The following VPS13C variants were observed in gnomAD, a reference collection of about 807,000 sequenced individuals.
VPS13C encodes intermembrane lipid transfer protein VPS13C.
In VPS13C, 358 loss-of-function variants were observed where a neutral mutation model predicts 456.8. That is an observed-to-expected ratio of 0.78 (90% confidence interval 0.72 to 0.86). The LOEUF is 0.86. VPS13C is among the 40% of genes least tolerant of loss of function. The probability of loss-of-function intolerance (pLI) is 0.00; values close to 1 mark genes in which losing one functional copy is unlikely to be tolerated. For synonymous variants in VPS13C, 1,578 were observed against 1,486.7 expected (o/e 1.06, Z -1.41); for missense variants, 4,818 against 4,385.4 (o/e 1.10, Z -2.79).
Position 61,882,603 on chromosome 15 carries a change from C to A in VPS13C, c.9617G>T (p.Trp3206Leu). ...TGAGAATGACAATGTTACCTGAAGC[C>A]AGTACAACCTGGCCCTTAAACTTCT... ...HQRSLRARLYWLQVDNQLPGA... is the reference protein window; with the variant it reads ...HQRSLRARLYLLQVDNQLPGA... The change falls in exon 69 of 85, where the codon TGG (tryptophan) becomes TTG (leucine). Residue 3206 changes from tryptophan (W) to leucine (L), a missense_variant. Physicochemically the swap from Trp to Leu is moderately conservative, Grantham distance 61 (BLOSUM62 -2). This residue lies in a region of VPS13C where 4,552 missense variants were observed against 4,130.6 expected (regional missense o/e 1.10). Coordinates refer to ENST00000644861, the MANE Select transcript of VPS13C (RefSeq NM_020821.3). The A allele has an allele frequency of 6.5e-7, 1 of 1,537,438 alleles. No individual in the cohort carries two copies. Among genetic ancestry groups the A allele is most frequent in the Non-Finnish European group, 8.7e-7 (1 of 1,146,948 alleles).
chr15:62,024,133 A>G (rs571668352), intron 6 of VPS13C, among the ~76,000 whole-genome samples: 2 of 152,216 alleles, frequency 1.3e-5, no homozygotes, highest in East Asian at 3.9e-4. Context: ...GCCATTTATA[A>G]TATTAATGAC....
At chr15:62,053,208 A>C (rs1459234382) in intron 1 of VPS13C, among the ~76,000 whole-genome samples, 1 of 152,180 alleles carries the variant, frequency 6.6e-6, no homozygotes, top group Non-Finnish European at 1.5e-5. Context: ...CCTCCACTAC[A>C]CCAAGTGCTG....
chr15:61,899,982 C>T (rs759312275), intron 66 of VPS13C, among the ~76,000 whole-genome samples: 3 of 152,044 alleles, frequency 2.0e-5, no homozygotes, highest in Non-Finnish European at 4.4e-5. Flanking sequence ...AAATGTAATC[C>T]AGCATATAAA....
intron 66 of VPS13C, among the ~76,000 whole-genome samples, chr15:61,895,069 T>A (rs1233142103): frequency 6.6e-6 from 1 of 152,092 alleles, no homozygotes; most frequent in Non-Finnish European, 1.5e-5. Context: ...ACAACAGGAA[T>A]TTGTAAAGTA....
At chr15:61,969,568 C>A in intron 27 of VPS13C, 116 bp from the exon 28 acceptor site, 1 of 513,214 alleles carries the variant, frequency 1.9e-6, no homozygotes, top group Non-Finnish European at 3.1e-6. Context: ...TTGCTCATAT[C>A]CTTCTGCCAC....
chr15:62,049,725 T>C (rs2140770412), intron 1 of VPS13C, among the ~76,000 whole-genome samples: 1 of 152,318 alleles, frequency 6.6e-6, no homozygotes, highest in East Asian at 1.9e-4. Context: ...TGATTCTTCC[T>C]ACCCATGAGC....
At chr15:62,052,083 T>A (rs922122475) in intron 1 of VPS13C, among the ~76,000 whole-genome samples, 1 of 152,086 alleles carries the variant, frequency 6.6e-6, no homozygotes. Context: ...TTTCTTAATA[T>A]AAAACATAGA....
intron 48 of VPS13C, chr15:61,935,561 TCA>T: frequency 6.6e-6 from 1 of 152,344 alleles, no homozygotes; most frequent in Non-Finnish European, 1.5e-5. Context: ...AGATCATTAA[TCA>T]CATAAGGCTT....
intron 65 of VPS13C, 51 bp from the exon 66 acceptor site, chr15:61,907,441 C>A (rs1218651094): frequency 1.3e-6 from 2 of 1,592,628 alleles, no homozygotes; most frequent in East Asian, 4.5e-5. Flanking sequence ...AGATAAGAAA[C>A]CCAAACCTGT....
chr15:61,996,994 C>CATATATATATATATATATATATATATAT (rs956530930), intron 16 of VPS13C, among the ~76,000 whole-genome samples: 3 of 142,354 alleles, frequency 2.1e-5, no homozygotes, highest in African/African-American at 8.3e-5. Flanking sequence ...ATTTTACATA[C>CATATATATATATATATATATATATATAT]ATACATATAT....
intron 15 of VPS13C, among the ~76,000 whole-genome samples, chr15:62,001,787 C>A (rs890289209): frequency 6.6e-6 from 1 of 152,082 alleles, no homozygotes; most frequent in South Asian, 2.1e-4. Flanking sequence ...TTTGTTCTTG[C>A]GATAGTTTAC....
At chr15:62,001,275 G>T (rs1382060585) in intron 15 of VPS13C, among the ~76,000 whole-genome samples, 1 of 152,154 alleles carries the variant, frequency 6.6e-6, no homozygotes. Flanking sequence ...AGGACACTTG[G>T]TAAATATCCA....
At chr15:61,915,540 T>C (rs2043443898) in intron 61 of VPS13C, 93 bp downstream of exon 61, 3 of 1,310,556 alleles carry the variant, frequency 2.3e-6, no homozygotes, top group African/African-American at 1.5e-5. Flanking sequence ...ATTTAGCAAA[T>C]AGGTTAGCAT....
rs918129077 is a variant in VPS13C at position 61,916,030 on chromosome 15, C to G, written c.8056-8G>C. 6.5e-7 allele frequency: 1 copy of G among 1,541,154 alleles called. No individual in the cohort carries two copies. Among genetic ancestry groups the G allele is most frequent in the East Asian group, 2.3e-5 (1 of 43,898 alleles). Reference sequence around the variant, plus strand: ...ATGAGTTTCTGCTGTTCCCTAAAAACAAACAAAAATTCGCTGAGTAACTTT... The same window carrying G: ...ATGAGTTTCTGCTGTTCCCTAAAAAGAAACAAAAATTCGCTGAGTAACTTT... On this transcript the variant is annotated splice_polypyrimidine_tract_variant and splice_region_variant and intron_variant, in intron 60 of 84. Transcript: ENST00000644861.
intron 22 of VPS13C, 103 bp from the exon 23 acceptor site, chr15:61,978,852 C>A: frequency 8.6e-7 from 1 of 1,156,284 alleles, no homozygotes; most frequent in Non-Finnish European, 1.2e-6. Flanking sequence ...TAGTTAAAAC[C>A]TAACAAATTG....
At chr15:61,912,079 C>T (rs542776595) in intron 62 of VPS13C, 75 bp from the exon 63 acceptor site, 25 of 1,218,068 alleles carry the variant, frequency 2.1e-5, no homozygotes, top group East Asian at 8.2e-5. Context: ...CTCATTCACA[C>T]ACAAACTTCT....
At chr15:62,007,034 A>G (rs1439545533) in intron 15 of VPS13C, among the ~76,000 whole-genome samples, 3 of 152,298 alleles carry the variant, frequency 2.0e-5, no homozygotes, top group African/African-American at 2.4e-5. Context: ...CAGCTCTGAT[A>G]CTGACTTCCT....
intron 77 of VPS13C, among the ~76,000 whole-genome samples, chr15:61,873,957 G>A (rs1895221656): frequency 8.9e-6 from 1 of 112,464 alleles, no homozygotes; most frequent in African/African-American, 3.1e-5. Context: ...AAGAAAATGT[G>A]ATACACACAC....
At chr15:62,056,660 T>C (rs2140812735) in intron 1 of VPS13C, among the ~76,000 whole-genome samples, 1 of 152,230 alleles carries the variant, frequency 6.6e-6, no homozygotes, top group East Asian at 1.9e-4. Flanking sequence ...TGCCCGCAGT[T>C]ATCCGGAGGC....
Sources: allele counts gnomAD v4.1 joint callset (sites outside exome capture counted in the v4.1 genomes callset), GRCh38; gene constraint gnomAD v4.1.1; regional missense constraint gnomAD v4.1.1; transcripts MANE v1.5; gene names NCBI Gene and HGNC (gene_info 2026-07-23, HGNC 2026-07-21).